MCF2L: variants seen among roughly 807,000 people sequenced by gnomAD.
The protein encoded by MCF2L is guanine nucleotide exchange factor DBS.
MCF2L carries 97 observed loss-of-function variants against 153.4 expected under a neutral mutation model. The observed-to-expected ratio is 0.63, with a 90% CI of 0.54 to 0.75. MCF2L has a LOEUF of 0.75. Among genes scored for constraint, MCF2L ranks in the 30% least tolerant of loss-of-function variants. MCF2L has a pLI of 0.00. For missense variants in MCF2L, 1,347 were observed against 1,495.2 expected, an observed-to-expected ratio of 0.90 and a Z score of 1.64; for synonymous variants, 659 against 632.2, an observed-to-expected ratio of 1.04 and a Z score of -0.64.
chr13:112,912,347 G>A (rs956071983), intron 2 of MCF2L, among the ~76,000 whole-genome samples: 9 of 151,348 alleles, frequency 5.9e-5, no homozygotes, highest in East Asian at 3.9e-4. Context: ...ATAGAGCCTC[G>A]CTCTGTCACC....
At chr13:112,968,760 A>G, upstream of MCF2L, 2 of 1,375,280 alleles carry the variant, frequency 1.5e-6, no homozygotes, top group East Asian at 6.1e-5. Flanking sequence ...AGGCAGCTGC[A>G]CTCGCTCGGT....
chr13:113,079,491 C>A (rs1221073989), intron 15 of MCF2L, among the ~76,000 whole-genome samples: 4 of 152,152 alleles, frequency 2.6e-5, no homozygotes, highest in Non-Finnish European at 5.9e-5. Flanking sequence ...CGCTTGGAAC[C>A]ACGTCTCCCC....
At chr13:113,024,567 G>A in intron 2 of MCF2L, 77 bp from the exon 3 acceptor site, 1 of 861,206 alleles carries the variant, frequency 1.2e-6, no homozygotes, top group Non-Finnish European at 2.0e-6. Context: ...GGGTGCTGAT[G>A]AAAACGGGCC....
chr13:113,098,525 T>A lies in MCF2L; in HGVS notation c.*1666T>A, dbSNP rs2035804485. The A allele has an allele frequency of 6.6e-6, 1 of 152,280 alleles. No homozygotes were observed. The highest frequency in any genetic ancestry group is 2.1e-4 in the South Asian group (1 of 4,830). 9.4% of individuals were successfully genotyped at this position (152,280 alleles called of 1,614,324 possible). A position where few individuals can be genotyped will look rare whatever the true frequency, so the allele number is the denominator to read the frequency against. On this transcript the variant is annotated 3_prime_UTR_variant, in exon 30 of 30. Coordinates refer to ENST00000535094, the MANE Select transcript of MCF2L (RefSeq NM_001112732.3). ...AGTTCTTTATTGTATGGATGACGTTTGAATAAATATCAGCAACTCCTGCCA... is the reference window on the plus strand; with the variant it reads ...AGTTCTTTATTGTATGGATGACGTTAGAATAAATATCAGCAACTCCTGCCA...
At chr13:113,059,824 G>T (rs1253343054) in intron 4 of MCF2L, among the ~76,000 whole-genome samples, 1 of 152,220 alleles carries the variant, frequency 6.6e-6, no homozygotes. Flanking sequence ...ATGTAACTGT[G>T]TCCAAGGCCG....
chr13:113,084,324 T>TACCCCAGAACCTCCTGA (rs61158736), intron 18 of MCF2L, among the ~76,000 whole-genome samples: 88,187 of 146,048 alleles, frequency 0.6, 27,301 homozygotes, highest in Non-Finnish European at 0.67. Context: ...GGACCTCCTG[T>TACCCCAGAACCTCCTGA]ACCCCAGAAC....
intron 3 of MCF2L, among the ~76,000 whole-genome samples, chr13:113,040,099 C>T (rs966788031): frequency 6.6e-6 from 1 of 152,114 alleles, no homozygotes; most frequent in African/African-American, 2.4e-5. Context: ...GGGTGAATCC[C>T]ACAATGTTGA....
chr13:113,089,584 C>T (rs2035000036), intron 25 of MCF2L, 26 bp from the exon 26 acceptor site: 1 of 1,516,850 alleles, frequency 6.6e-7, no homozygotes, highest in Admixed American at 1.7e-5. Flanking sequence ...ACACTATTTC[C>T]TTTTTGATTT....
chr13:112,959,004 C>T (rs1293239264), intron 2 of MCF2L, among the ~76,000 whole-genome samples: 1 of 152,204 alleles, frequency 6.6e-6, no homozygotes, highest in African/African-American at 2.4e-5. Flanking sequence ...CTCCTGTGGC[C>T]GCTATGCCTC....
rs574650821 is a variant in MCF2L, at chr13:112,915,322, T to C, written c.169+12951T>C. Among the ~76,000 whole-genome samples, 371 of 146,466 alleles carry C rather than the reference T, an allele frequency of 2.5e-3. 2 individuals carry two copies. Among genetic ancestry groups the C allele is most frequent in the African/African-American group, 9.3e-3 (365 of 39,314 alleles). On this transcript the variant is annotated intron_variant, in intron 2 of 29. Transcript: ENST00000375608. Reference sequence around the variant, plus strand: ...TACTCAGGAGGCTGAGGCAGGAGAATCGCTTGAACCCGGGAAGCGGAGGTT... The same window carrying C: ...TACTCAGGAGGCTGAGGCAGGAGAACCGCTTGAACCCGGGAAGCGGAGGTT...
intron 2 of MCF2L, among the ~76,000 whole-genome samples, chr13:112,913,241 T>C (rs541384662): frequency 6.6e-6 from 1 of 151,908 alleles, no homozygotes; most frequent in Non-Finnish European, 1.5e-5. Context: ...TGTGATTGTG[T>C]GTGTGTCTGG....
At chr13:112,895,239 C>T (rs1004995602) in intron 1 of MCF2L, among the ~76,000 whole-genome samples, 3 of 152,084 alleles carry the variant, frequency 2.0e-5, no homozygotes, top group Non-Finnish European at 4.4e-5. Context: ...CAGGCTCACT[C>T]CCTGGAGACT....
chr13:113,063,213 C>T (rs1450573127), intron 5 of MCF2L, among the ~76,000 whole-genome samples: 4 of 152,230 alleles, frequency 2.6e-5, no homozygotes, highest in African/African-American at 9.6e-5. Flanking sequence ...ACAGAGTGGG[C>T]GGCTGGCCTG....
At chr13:112,995,906 C>T (rs190586021) in intron 1 of MCF2L, among the ~76,000 whole-genome samples, 9 of 152,336 alleles carry the variant, frequency 5.9e-5, no homozygotes, top group Admixed American at 5.9e-4. Flanking sequence ...CAGCACCTGG[C>T]GGCCACCGGG....
intron 1 of MCF2L, among the ~76,000 whole-genome samples, chr13:113,006,967 G>C (rs1403788839): frequency 6.6e-6 from 1 of 152,192 alleles, no homozygotes; most frequent in African/African-American, 2.4e-5. Flanking sequence ...CCGGCCCTTG[G>C]GGGAGAGGGT....
rs1353695423 is a variant in MCF2L at position 113,099,213 on chromosome 13, A to AAT, written c.*2355_*2356insTA. 3.1e-4 allele frequency: 47 copies of AAT among 152,350 alleles called. No individual in the cohort carries two copies. Among genetic ancestry groups the AAT allele is most frequent in the African/African-American group, 1.1e-3 (46 of 41,578 alleles). 9.4% of individuals were successfully genotyped at this position (152,350 alleles called of 1,614,324 possible). On this transcript the variant is annotated 3_prime_UTR_variant, in exon 30 of 30. Transcript: ENST00000535094. Reference sequence around the variant, plus strand: ...ATAAGCCACTGACTATAAAGCTCAAAACACAGCAAAGTTGGCAGTCGGCAG... The same window carrying AAT: ...ATAAGCCACTGACTATAAAGCTCAAAATACACAGCAAAGTTGGCAGTCGGCAG...
At chr13:112,945,201 C>T (rs996457229) in intron 2 of MCF2L, among the ~76,000 whole-genome samples, 6 of 152,102 alleles carry the variant, frequency 3.9e-5, no homozygotes, top group Admixed American at 3.9e-4. Flanking sequence ...AGTTTTAGGG[C>T]AGTGCAACTA....
intron 2 of MCF2L, among the ~76,000 whole-genome samples, chr13:112,929,552 T>C (rs1266558428): frequency 1.3e-5 from 2 of 152,256 alleles, no homozygotes; most frequent in African/African-American, 4.8e-5. Context: ...AGGTTAACTC[T>C]TCACACTCCT....
rs1482867654 is a variant in MCF2L, at chr13:112,960,518, C to T, written c.170-54245C>T. Among the ~76,000 whole-genome samples, 3 of 152,082 alleles carry T rather than the reference C, an allele frequency of 2.0e-5. No homozygotes were observed. The highest frequency in any genetic ancestry group is 4.4e-5 in the Non-Finnish European group (3 of 68,016). On this transcript the variant is annotated intron_variant, in intron 2 of 29. Coordinates refer to the MCF2L transcript ENST00000375608. This position sits in a 1 kb window ranked among gnomAD's most constrained non-coding sequence, Gnocchi z 4.2. ...GGGTGTGATGGATGCTGGAGTTTCTCTCCAAGGGGGCGGGATAGGCTGTCA... is the reference window on the plus strand; with the variant it reads ...GGGTGTGATGGATGCTGGAGTTTCTTTCCAAGGGGGCGGGATAGGCTGTCA...
Sources: gnomAD v4.1 joint callset for allele counts (sites outside exome capture counted in the v4.1 genomes callset) on GRCh38, gnomAD v4.1.1 for gene constraint, Gnocchi (gnomAD v3.1) non-coding constraint, MANE v1.5 for transcripts, NCBI Gene and HGNC (gene_info 2026-07-23, HGNC 2026-07-21) for gene names.